The following HMCN1 variants were observed in gnomAD, a reference collection of about 807,000 sequenced individuals.
HMCN1 encodes the protein hemicentin-1.
Under a neutral mutation model 625.9 loss-of-function variants are expected in HMCN1, and 321 were observed. The observed-to-expected ratio is 0.51, with a 90% CI of 0.47 to 0.56. The LOEUF is 0.56. Among genes scored for constraint, HMCN1 ranks in the 20% least tolerant of loss-of-function variants. The pLI is 0.00. For synonymous variants in HMCN1, 2,425 were observed against 2,417.6 expected (o/e 1.00, Z -0.09); for missense variants, 6,588 against 6,887.3 (o/e 0.96, Z 1.54).
chr1:185,997,625 C>T, intron 25 of HMCN1, 101 bp downstream of exon 25: 1 of 818,348 alleles, frequency 1.2e-6, no homozygotes, highest in East Asian at 2.6e-5. Context: ...CCACATCAAT[C>T]CTTGGTAGAA....
Position 185,767,138 on chromosome 1 carries a change from C to T in HMCN1, c.268+32091C>T, listed in dbSNP as rs558971630. 6.5e-4 allele frequency among the ~76,000 whole-genome samples: 99 copies of T among 151,908 alleles called. 1 individual carries two copies. Among genetic ancestry groups the T allele is most frequent in the Non-Finnish European group, 1.3e-3 (86 of 67,986 alleles). On this transcript the variant is annotated intron_variant, in intron 1 of 106. Coordinates refer to ENST00000271588, the MANE Select transcript of HMCN1 (RefSeq NM_031935.3). ...GAAATGTACTTTATGCAGTTAATTT[C>T]AGATTCAAATTAGTGAATAACATGC...
chr1:185,902,201 T>C (rs1455852517), intron 4 of HMCN1, among the ~76,000 whole-genome samples: 2 of 151,674 alleles, frequency 1.3e-5, no homozygotes, highest in Admixed American at 6.6e-5. Flanking sequence ...TTCTAACTTA[T>C]CTATTTTAAA....
intron 11 of HMCN1, among the ~76,000 whole-genome samples, chr1:185,938,726 C>T (rs1667939655): frequency 6.6e-6 from 1 of 152,012 alleles, no homozygotes; most frequent in South Asian, 2.1e-4. Context: ...CTTTAACAGA[C>T]TGATGTTGGC....
At chr1:186,098,137 A>T (rs1395904313) in intron 68 of HMCN1, among the ~76,000 whole-genome samples, 1 of 152,046 alleles carries the variant, frequency 6.6e-6, no homozygotes, top group Non-Finnish European at 1.5e-5. Context: ...ATGATATTGG[A>T]CTAGGCAAGG....
At chr1:185,898,360 A>G (rs544344938) in intron 4 of HMCN1, among the ~76,000 whole-genome samples, 1 of 152,338 alleles carries the variant, frequency 6.6e-6, no homozygotes, top group Middle Eastern at 3.4e-3. Flanking sequence ...TGTTCACTCC[A>G]TTACTTCCAG....
chr1:185,920,705 C>T (rs1666964282), intron 6 of HMCN1, among the ~76,000 whole-genome samples: 1 of 151,964 alleles, frequency 6.6e-6, no homozygotes, highest in Non-Finnish European at 1.5e-5. Flanking sequence ...TTAAGTACCA[C>T]ATTGTTGAAA....
At chr1:186,122,298 C>A (rs1235138406) in intron 80 of HMCN1, among the ~76,000 whole-genome samples, 2 of 152,088 alleles carry the variant, frequency 1.3e-5, no homozygotes, top group African/African-American at 4.8e-5. Flanking sequence ...ATTTCATATG[C>A]CTTTTTATAG....
Position 186,061,858 on chromosome 1 carries a change from G to A in HMCN1, c.7320G>A (p.Arg2440=), listed in dbSNP as rs751907250. The A allele has an allele frequency of 1.2e-6, 2 of 1,608,902 alleles. No individual in the cohort carries two copies. Among genetic ancestry groups the A allele is most frequent in the South Asian group, 1.1e-5 (1 of 90,924 alleles). ...SNSVRILSGG[R]MLRLMQTTME... is the part of the protein sequence containing the mutation. Reference sequence around the variant, plus strand: ...GATGGTTTGCTTCTGCAGGAGGCAGGATGCTACGGCTGATGCAGACCACAA... The same window carrying A: ...GATGGTTTGCTTCTGCAGGAGGCAGAATGCTACGGCTGATGCAGACCACAA... The change falls in exon 47 of 107, where the codon AGG becomes AGA. Residue 2440 remains arginine (R), a synonymous_variant. Transcript: ENST00000271588.
In HMCN1 at chr1:186,188,009, G is replaced by T; in HGVS notation, c.16541G>T (p.Gly5514Val). 1.2e-6 allele frequency: 2 copies of T among 1,613,696 alleles called. No homozygotes were observed. The highest frequency in any genetic ancestry group is 2.7e-5 in the African/African-American group (2 of 74,978). Residue 5514 changes from glycine (G) to valine (V), a missense_variant and splice_region_variant, in exon 106 of 107, where the codon GGG becomes GTG. By Grantham distance (109) the Gly-to-Val change is moderately radical. Transcript: ENST00000271588. ...PPNYQRDPVS[G>V]FCLKNCPPND... Reference sequence around the variant, plus strand: ...AACTACCAACGGGATCCTGTTTCAGGGTATGTCTTGCCTTCTCATCCCAGA... The same window carrying T: ...AACTACCAACGGGATCCTGTTTCAGTGTATGTCTTGCCTTCTCATCCCAGA...
chr1:185,903,123 A>G (rs1271150951), intron 4 of HMCN1, among the ~76,000 whole-genome samples: 1 of 151,882 alleles, frequency 6.6e-6, no homozygotes, highest in African/African-American at 2.4e-5. Context: ...ATTGTGACAC[A>G]AAAATTTTAT....
intron 1 of HMCN1, among the ~76,000 whole-genome samples, chr1:185,830,289 T>C (rs1660778520): frequency 6.6e-6 from 1 of 152,222 alleles, no homozygotes; most frequent in South Asian, 2.1e-4. Flanking sequence ...TAGTTGCAAT[T>C]GCTTTTGGCG....
chr1:186,055,915 A>T (rs944331507), intron 45 of HMCN1, among the ~76,000 whole-genome samples: 9 of 151,998 alleles, frequency 5.9e-5, no homozygotes, highest in Non-Finnish European at 1.0e-4. Context: ...GTAAAGTAGA[A>T]AATTGTTGTC....
At chr1:185,817,922 C>A (rs1265771966) in intron 1 of HMCN1, among the ~76,000 whole-genome samples, 1 of 152,118 alleles carries the variant, frequency 6.6e-6, no homozygotes, top group East Asian at 1.9e-4. Flanking sequence ...AGCTACTATG[C>A]TTTCTCTCAG....
intron 11 of HMCN1, among the ~76,000 whole-genome samples, chr1:185,934,102 G>A (rs970614971): frequency 2.0e-5 from 3 of 152,040 alleles, no homozygotes; most frequent in Non-Finnish European, 4.4e-5. Flanking sequence ...TGGATAAATA[G>A]TTTTAAATTC....
intron 15 of HMCN1, among the ~76,000 whole-genome samples, chr1:185,974,646 G>A (rs1357976804): frequency 2.0e-5 from 3 of 152,124 alleles, no homozygotes; most frequent in Admixed American, 6.6e-5. Flanking sequence ...GCTACATTCA[G>A]GAGTAGGAAG....
intron 97 of HMCN1, among the ~76,000 whole-genome samples, chr1:186,163,454 A>T (rs942244335): frequency 2.0e-5 from 3 of 152,098 alleles, no homozygotes; most frequent in Admixed American, 2.0e-4. Flanking sequence ...AGTGAGATGA[A>T]CCCAGTACCT....
chr1:186,045,899 A>G, intron 41 of HMCN1, 36 bp downstream of exon 41: 1 of 1,473,102 alleles, frequency 6.8e-7, no homozygotes, highest in Non-Finnish European at 9.5e-7. Flanking sequence ...ACCTTATGTT[A>G]TTAGAAGTTC....
chr1:186,029,975 T>C (rs981243476), intron 36 of HMCN1, among the ~76,000 whole-genome samples: 6 of 152,124 alleles, frequency 3.9e-5, no homozygotes. Flanking sequence ...CTCTGACCAA[T>C]AGTTATTTAG....
chr1:186,152,838 ACAGCTTCAGTCAC>A lies in HMCN1; in HGVS notation c.14987_14999del (p.Gln4996LeufsTer6). On this transcript the variant is annotated frameshift_variant, in exon 96 of 107. Transcript: ENST00000271588. LOFTEE classifies it high-confidence loss of function. ...ATATCGTTGTGAGTGGCTATGTCCTACAGCTTCAGTCACCTGCTGAAGTCACTGTAAAGGTAAA... is the reference window on the plus strand; with the variant it reads ...ATATCGTTGTGAGTGGCTATGTCCTACTGCTGAAGTCACTGTAAAGGTAAA... 2 of 1,613,976 alleles carry A rather than the reference ACAGCTTCAGTCAC, an allele frequency of 1.2e-6. No homozygotes were observed. Among genetic ancestry groups the A allele is most frequent in the Non-Finnish European group, 1.7e-6 (2 of 1,179,882 alleles).
Sources: allele counts gnomAD v4.1 joint callset (sites outside exome capture counted in the v4.1 genomes callset), GRCh38; gene constraint gnomAD v4.1.1; transcripts MANE v1.5; gene names NCBI Gene and HGNC (gene_info 2026-07-23, HGNC 2026-07-21).